YIF1B: variants seen among roughly 807,000 people sequenced by gnomAD.
YIF1B encodes the protein Yip1 interacting factor homolog B, membrane trafficking protein.
A neutral mutation model predicts 34.6 loss-of-function variants in YIF1B; 24 were observed. That is an observed-to-expected ratio of 0.69 (90% CI 0.50 to 0.98). YIF1B has a LOEUF of 0.98. Among genes scored for constraint, YIF1B ranks in the 50% least tolerant of loss-of-function variants. YIF1B has a pLI of 0.00. For missense variants in YIF1B, 368 were observed against 429.4 expected, an observed-to-expected ratio of 0.86 and a Z score of 1.26; for synonymous variants, 186 against 184.8, an observed-to-expected ratio of 1.01 and a Z score of -0.05.
intron 1 of YIF1B, among the ~76,000 whole-genome samples, chr19:38,312,800 C>T (rs1402773648): frequency 6.6e-6 from 1 of 152,150 alleles, no homozygotes; most frequent in Non-Finnish European, 1.5e-5. Flanking sequence ...GAAAGCAGTC[C>T]ATCCATGTCA....
At chr19:38,316,030 G>T (rs1969536286), upstream of YIF1B, 2 of 1,320,508 alleles carry the variant, frequency 1.5e-6, no homozygotes, top group South Asian at 3.9e-5. Context: ...GGAAGGCCTC[G>T]CCCCCACCCC....
In YIF1B at chr19:38,308,867, A is replaced by T. The variant is rs756465628; in HGVS notation, c.482-18T>A. On this transcript the variant is annotated intron_variant, in intron 4 of 7. Coordinates refer to ENST00000339413, the MANE Select transcript of YIF1B (RefSeq NM_001039672.3). The stretch of plus-strand genomic sequence containing the variant: ...AGCCATTGCTGTGGGAGACAGACAC[A>T]CAGACACTGGTCACCAGAGGAAGAA... The T allele has an allele frequency of 1.2e-6, 2 of 1,613,886 alleles. No individual in the cohort carries two copies. Among genetic ancestry groups the T allele is most frequent in the South Asian group, 2.2e-5 (2 of 91,088 alleles).
chr19:38,308,872 C>T, intron 4 of YIF1B, 23 bp from the exon 5 acceptor site: 1 of 1,613,892 alleles, frequency 6.2e-7, no homozygotes. Flanking sequence ...GACACACAGA[C>T]ACTGGTCACC....
intron 7 of YIF1B, chr19:38,307,221 C>T: frequency 1.7e-6 from 1 of 597,222 alleles, no homozygotes; most frequent in South Asian, 2.0e-5. Context: ...CTCTAGCAGC[C>T]TGGCTGGTGT....
At chr19:38,321,255 G>A (rs1182763953), upstream of YIF1B, among the ~76,000 whole-genome samples, 1 of 152,128 alleles carries the variant, frequency 6.6e-6, no homozygotes, top group African/African-American at 2.4e-5. Flanking sequence ...TGGCCCTCTG[G>A]ACCTGGGCCT....
chr19:38,319,917 GC>G (rs1969626575), upstream of YIF1B: 1 of 1,381,928 alleles, frequency 7.2e-7, no homozygotes, highest in African/African-American at 1.5e-5. Context: ...CGTCAGCGGG[GC>G]CACCCAGGGC....
At position 38,308,811 on chromosome 19, in the gene YIF1B, C is replaced by T. The variant is rs748368601; in HGVS notation, c.520G>A (p.Ala174Thr). 2 of 1,613,872 alleles carry T rather than the reference C, an allele frequency of 1.2e-6. No individual in the cohort carries two copies. Residue 174 changes from alanine to threonine, a missense_variant, in exon 5 of 8, where the codon GCG becomes ACG. Coordinates refer to ENST00000339413, the MANE Select transcript of YIF1B (RefSeq NM_001039672.3). ...CCTTACCTATCCTGGGTCCCCAGCGCAAGACCAGCCACCAAAACGTAGGTG... is the reference window on the plus strand; with the variant it reads ...CCTTACCTATCCTGGGTCCCCAGCGTAAGACCAGCCACCAAAACGTAGGTG... ...FITYVLVAGL[A>T]LGTQDRFSPD...
chr19:38,320,310 G>C, upstream of YIF1B: 1 of 1,599,160 alleles, frequency 6.3e-7, no homozygotes, highest in Admixed American at 1.7e-5. Context: ...CGAGGACCCG[G>C]GATCCCCACT....
At chr19:38,307,111 A>G in intron 7 of YIF1B, 2 of 493,462 alleles carry the variant, frequency 4.1e-6, no homozygotes, top group South Asian at 3.4e-5. Flanking sequence ...GCTCTAGAGA[A>G]TCTCCTTCCA....
chr19:38,307,326 G>A, intron 7 of YIF1B, 102 bp downstream of exon 7: 1 of 1,317,412 alleles, frequency 7.6e-7, no homozygotes, highest in Non-Finnish European at 1.1e-6. Context: ...GTTCAGCAAT[G>A]TGTCTCTGGT....
intron 1 of YIF1B, among the ~76,000 whole-genome samples, chr19:38,311,579 T>C (rs1355605419): frequency 6.6e-6 from 1 of 151,910 alleles, no homozygotes; most frequent in Non-Finnish European, 1.5e-5. Context: ...CCCAAAGTCA[T>C]AGTATGAGAG....
chr19:38,320,255 C>T (rs913936173), upstream of YIF1B: 2 of 1,606,460 alleles, frequency 1.2e-6, no homozygotes, highest in Non-Finnish European at 1.7e-6. Context: ...TTCGCCAGCA[C>T]GCTGATCACC....
Position 38,315,890 on chromosome 19 carries a change from C to G in YIF1B, c.28G>C (p.Ala10Pro). MHPAGLAAA[A>P]AGTPRLRKWP... ...TTACGCAGCCGGGGCGTCCCCGCAG[C>G]CGCCGCCGCCAAGCCTGCCGGGTGC... The change falls in exon 1 of 8, where the codon GCT becomes CCT. Residue 10 changes from alanine (A) to proline (P), a missense_variant. Transcript: ENST00000339413. 1 of 1,480,122 alleles carries G rather than the reference C, an allele frequency of 6.8e-7. No individual in the cohort carries two copies. The highest frequency in any genetic ancestry group is 8.9e-7 in the Non-Finnish European group (1 of 1,123,632). 91.7% of individuals were successfully genotyped at this position (1,480,122 alleles called of 1,614,324 possible). A position where few individuals can be genotyped will look rare whatever the true frequency, so the allele number is the denominator to read the frequency against.
At chr19:38,311,990 C>T (rs1056594500) in intron 1 of YIF1B, among the ~76,000 whole-genome samples, 3 of 151,186 alleles carry the variant, frequency 2.0e-5, no homozygotes, top group African/African-American at 4.9e-5. Context: ...CCAGCTACTC[C>T]GGAGGCTGAG....
chr19:38,314,028 CT>C (rs1287963472), intron 1 of YIF1B, among the ~76,000 whole-genome samples: 2 of 151,988 alleles, frequency 1.3e-5, no homozygotes, highest in African/African-American at 2.4e-5. Flanking sequence ...TTCTCTCTCT[CT>C]TTTTTTTCTT....
intron 3 of YIF1B, 24 bp from the exon 4 acceptor site, chr19:38,309,081 G>A: frequency 1.3e-6 from 2 of 1,554,238 alleles, no homozygotes; most frequent in Admixed American, 1.9e-5. Context: ...GAGACGGGCA[G>A]GACCCTCAGA....
At chr19:38,315,486 C>T in intron 1 of YIF1B, 2 of 1,394,298 alleles carry the variant, frequency 1.4e-6, no homozygotes, top group Non-Finnish European at 9.3e-7. Context: ...CTTAAATGAG[C>T]GGTAGGCATG....
rs1301582169 is a variant in YIF1B at position 38,315,929 on chromosome 19, G to A, written c.-12C>T. ...CCTGCCGGGTGCATCCTTCGCCGCC[G>A]CCACCTAAGCCGCGGTTCGGAGCGT... is the stretch of plus-strand genomic sequence containing the variant. On this transcript the variant is annotated 5_prime_UTR_variant, in exon 1 of 8. Coordinates refer to ENST00000339413, the MANE Select transcript of YIF1B (RefSeq NM_001039672.3). 4 of 1,443,854 alleles carry A rather than the reference G, an allele frequency of 2.8e-6. No individual in the cohort carries two copies. The highest frequency in any genetic ancestry group is 1.4e-5 in the South Asian group (1 of 72,190). The allele number at this position is 1,443,854 out of a possible 1,614,324, so 89.4% of individuals were successfully genotyped here. A position where few individuals can be genotyped will look rare whatever the true frequency, so the allele number is the denominator to read the frequency against.
In YIF1B at chr19:38,305,141, T is replaced by C. The variant is rs531161345; in HGVS notation, c.*211A>G. The C allele has an allele frequency of 6.4e-5, 90 of 1,413,350 alleles. No homozygotes were observed. In the African/African-American group the frequency reaches 1.1e-3, roughly 18 times the overall value. 87.6% of individuals were successfully genotyped at this position (1,413,350 alleles called of 1,614,324 possible). On this transcript the variant is annotated 3_prime_UTR_variant, in exon 8 of 8. Coordinates refer to ENST00000339413, the MANE Select transcript of YIF1B (RefSeq NM_001039672.3). ...CATGCCCATCAGGGTTTATTGTTTC[T>C]GTAACAGCGGCCACGCCCTGGGGCG...
Sources: gnomAD v4.1 joint callset for allele counts (sites outside exome capture counted in the v4.1 genomes callset) on GRCh38, gnomAD v4.1.1 for gene constraint, MANE v1.5 for transcripts, NCBI Gene and HGNC (gene_info 2026-07-23, HGNC 2026-07-21) for gene names.